KIF4A: variants seen among roughly 807,000 people sequenced by gnomAD.
The protein encoded by KIF4A is kinesin family member 4A.
A neutral mutation model predicts 105.9 loss-of-function variants in KIF4A; 7 were observed. The ratio of observed to expected loss-of-function variants is 0.07; its 90% CI spans 0.04 to 0.12. KIF4A has a LOEUF of 0.12. Among genes scored for constraint, KIF4A ranks in the 10% least tolerant of loss-of-function variants. KIF4A has a pLI of 1.00. For synonymous variants in KIF4A, 281 were observed against 331.3 expected (o/e 0.85, Z 1.65); for missense variants, 558 against 929.2 (o/e 0.60, Z 5.19).
intron 22 of KIF4A, among the ~76,000 whole-genome samples, chrX:70,396,796 G>A (rs73214996): frequency 0.062 from 6,904 of 112,001 alleles, 193 homozygotes; most frequent in Middle Eastern, 0.088. Flanking sequence ...TGGGCCAGGC[G>A]CAGTGGCTCA....
chrX:70,397,664 G>C (rs2086265342), intron 22 of KIF4A, among the ~76,000 whole-genome samples: 1 of 112,148 alleles, frequency 8.9e-6, no homozygotes, highest in Admixed American at 9.5e-5. Flanking sequence ...ATGAAATCTA[G>C]AAGGAACAGA....
Position 70,374,172 on chromosome X carries a change from T to C in KIF4A, c.1696T>C (p.Leu566=). 8.4e-7 allele frequency: 1 copy of C among 1,191,281 alleles called. No homozygotes were observed. Residue 566 remains leucine (L), a synonymous_variant, in exon 16 of 31, where the codon TTA becomes CTA. Transcript: ENST00000374403. The part of the protein sequence containing the change: ...QYQDNIKELE[L]EVINLQKEKE... ...CTAGGATAACATAAAAGAGCTAGAA[T>C]TAGAAGTCATCAATCTGCAAAAGGA...
chrX:70,379,770 G>A (rs113941048), intron 18 of KIF4A, among the ~76,000 whole-genome samples: 13,339 of 99,745 alleles, frequency 0.13, 909 homozygotes, highest in Non-Finnish European at 0.18. Context: ...CAGCCTGGGC[G>A]ATAGAGTGAG....
intron 22 of KIF4A, among the ~76,000 whole-genome samples, chrX:70,399,923 T>G (rs764669786): frequency 9.8e-6 from 1 of 101,821 alleles, no homozygotes; most frequent in Admixed American, 1.1e-4. Context: ...ATTGTGCACA[T>G]GTACCCTAAA....
In KIF4A at chrX:70,378,047, A is replaced by G. The variant is rs775878559; in HGVS notation, c.2034+1837A>G. ...AATTCACAAATATGAAGAAATTAACATAATCCTAAATAAATAATGGGTCTA... is the reference window on the plus strand; with the variant it reads ...AATTCACAAATATGAAGAAATTAACGTAATCCTAAATAAATAATGGGTCTA... On this transcript the variant is annotated intron_variant, in intron 18 of 30. Coordinates refer to ENST00000374403, the MANE Select transcript of KIF4A (RefSeq NM_012310.5). Among the ~76,000 whole-genome samples the G allele has an allele frequency of 3.5e-5, 4 of 112,951 alleles. No individual in the cohort carries two copies. In the East Asian group the frequency reaches 1.1e-3, roughly 31 times the overall value.
chrX:70,335,151 T>C (rs138507572), intron 10 of KIF4A, among the ~76,000 whole-genome samples: 2,658 of 112,322 alleles, frequency 0.024, 74 homozygotes, highest in African/African-American at 0.07. Flanking sequence ...CAAATGTCTA[T>C]CAACGTATGA....
At chrX:70,391,381 A>G (rs1602797677) in intron 20 of KIF4A, among the ~76,000 whole-genome samples, 1 of 111,578 alleles carries the variant, frequency 9.0e-6, no homozygotes, top group East Asian at 2.8e-4. Context: ...CATTTCTCCT[A>G]CTTGCCCTAT....
At chrX:70,351,244 G>A (rs767121260) in intron 13 of KIF4A, among the ~76,000 whole-genome samples, 30 of 111,040 alleles carry the variant, frequency 2.7e-4, no homozygotes, top group Non-Finnish European at 3.8e-4. Context: ...TACTGTAGCC[G>A]TCACCTAAAT....
chrX:70,332,583 A>C (rs2085934995), intron 9 of KIF4A, among the ~76,000 whole-genome samples: 1 of 111,798 alleles, frequency 8.9e-6, no homozygotes, highest in African/African-American at 3.3e-5. Flanking sequence ...GGCAAGAGAG[A>C]TAGGAAGTGG....
At chrX:70,373,030 A>G (rs2147719562) in intron 15 of KIF4A, among the ~76,000 whole-genome samples, 1 of 112,016 alleles carries the variant, frequency 8.9e-6, no homozygotes, top group Admixed American at 9.4e-5. Context: ...TAGCACTTTA[A>G]GGAGGCCAAG....
intron 9 of KIF4A, among the ~76,000 whole-genome samples, chrX:70,331,192 G>A (rs1313126842): frequency 9.0e-6 from 1 of 111,261 alleles, no homozygotes; most frequent in Non-Finnish European, 1.9e-5. Flanking sequence ...AGGGTTAAAT[G>A]AGTTAATACA....
At chrX:70,365,724 T>C (rs768711905) in intron 15 of KIF4A, among the ~76,000 whole-genome samples, 31 of 111,367 alleles carry the variant, frequency 2.8e-4, no homozygotes, top group African/African-American at 9.4e-4. Flanking sequence ...TGTGTCTCTG[T>C]CAGGCTTTGG....
intron 7 of KIF4A, 74 bp downstream of exon 7, chrX:70,302,472 G>A (rs757789469): frequency 9.9e-7 from 1 of 1,006,092 alleles, no homozygotes; most frequent in South Asian, 2.1e-5. Flanking sequence ...TGGTGTTTTC[G>A]ACTGGGATTT....
chrX:70,307,326 C>G (rs1016699974), intron 7 of KIF4A, among the ~76,000 whole-genome samples: 3 of 110,787 alleles, frequency 2.7e-5, no homozygotes, highest in Non-Finnish European at 5.7e-5. Flanking sequence ...TGCAAACTTG[C>G]AGAACTTATT....
chrX:70,394,890 C>A, intron 20 of KIF4A, among the ~76,000 whole-genome samples: 1 of 112,098 alleles, frequency 8.9e-6, no homozygotes. Flanking sequence ...CTTTTGATTA[C>A]TATTAGCATG....
At chrX:70,305,016 G>A (rs2085821158) in intron 7 of KIF4A, among the ~76,000 whole-genome samples, 1 of 110,993 alleles carries the variant, frequency 9.0e-6, no homozygotes, top group Non-Finnish European at 1.9e-5. Flanking sequence ...CCACATTTTG[G>A]TTGTTCATTC....
intron 7 of KIF4A, among the ~76,000 whole-genome samples, chrX:70,323,142 GC>G (rs2085898278): frequency 9.0e-6 from 1 of 110,672 alleles, no homozygotes; most frequent in African/African-American, 3.3e-5. Context: ...CTGCGAAATT[GC>G]CTTCCCTCTA....
At chrX:70,403,312 C>T (rs997846982) in intron 23 of KIF4A, among the ~76,000 whole-genome samples, 3 of 112,289 alleles carry the variant, frequency 2.7e-5, no homozygotes, top group Non-Finnish European at 3.8e-5. Flanking sequence ...CTAAGGAAAT[C>T]TTGATCAGTC....
At chrX:70,333,759 C>T (rs1470605024) in intron 10 of KIF4A, 70 bp downstream of exon 10, 1 of 756,409 alleles carries the variant, frequency 1.3e-6, no homozygotes, top group Non-Finnish European at 2.0e-6. Flanking sequence ...TAGTTTTTCC[C>T]TGGTTTCTGC....
Sources: allele counts gnomAD v4.1 joint callset (sites outside exome capture counted in the v4.1 genomes callset), GRCh38; gene constraint gnomAD v4.1.1; transcripts MANE v1.5; gene names NCBI Gene and HGNC (gene_info 2026-07-23, HGNC 2026-07-21).